CYP27C1: variants seen among roughly 807,000 people sequenced by gnomAD.
CYP27C1 encodes cytochrome P450 family 27 subfamily C member 1, also known as cytochrome P450 27C1.
A neutral mutation model predicts 40.6 loss-of-function variants in CYP27C1; 29 were observed. That is an observed-to-expected ratio of 0.71 (90% confidence interval 0.53 to 0.97). The LOEUF (loss-of-function observed/expected upper bound fraction) is 0.97, where lower values mean the gene tolerates loss of function less well. Among genes scored for constraint, CYP27C1 ranks in the 50% least tolerant of loss-of-function variants. The pLI, the probability that CYP27C1 is intolerant of heterozygous loss-of-function variation, is 0.00. For missense variants in CYP27C1, 390 were observed against 485.8 expected (o/e 0.80, Z 1.85); for synonymous variants, 198 against 186.8 (o/e 1.06, Z -0.49).
chr2:127,187,848 G>C (rs1225877933), intron 8 of CYP27C1, among the ~76,000 whole-genome samples: 1 of 152,178 alleles, frequency 6.6e-6, no homozygotes, highest in Admixed American at 6.6e-5. Context: ...TGAATCCTCC[G>C]AAAGACTTCA....
chr2:127,209,318 TAAC>T lies in CYP27C1; in HGVS notation c.283-3231_283-3229del, dbSNP rs1272908707. Among the ~76,000 whole-genome samples the T allele has an allele frequency of 1.3e-5, 2 of 151,898 alleles. No homozygotes were observed. Among genetic ancestry groups the T allele is most frequent in the Non-Finnish European group, 2.9e-5 (2 of 67,988 alleles). On this transcript the variant is annotated intron_variant, in intron 1 of 8. Transcript: ENST00000664447. The surrounding 1 kb of genome is among the most constrained non-coding windows in gnomAD (Gnocchi z 4.1). Reference sequence around the variant, plus strand: ...CAGAAAGCGACAACAACAGCATTGATAACAACAACAAAAAAAGGCCCCCACAAA... The same window carrying T: ...CAGAAAGCGACAACAACAGCATTGATAACAACAAAAAAAGGCCCCCACAAA...
Position 127,213,316 on chromosome 2 carries a change from A to AC in CYP27C1, c.282+6672_282+6673insG, listed in dbSNP as rs1162589057. ...ATTCTTCACAGAATTAGAAAAAAAA[A>AC]AACTTAAATTTCATATGGAATTGAA... On this transcript the variant is annotated intron_variant, in intron 1 of 8. Coordinates refer to ENST00000664447, the MANE Select transcript of CYP27C1 (RefSeq NM_001367502.1). 1.6e-4 allele frequency among the ~76,000 whole-genome samples: 23 copies of AC among 146,272 alleles called. No individual in the cohort carries two copies. The East Asian group carries it at 4.6e-3, about 29-fold the overall frequency.
chr2:127,193,499 C>T (rs1365581260), intron 7 of CYP27C1, among the ~76,000 whole-genome samples: 1 of 152,216 alleles, frequency 6.6e-6, no homozygotes, highest in African/African-American at 2.4e-5. Flanking sequence ...ACTGAGAAGA[C>T]CGTCGAGCCC....
chr2:127,215,002 G>A (rs1469532704), intron 1 of CYP27C1, among the ~76,000 whole-genome samples: 4 of 151,508 alleles, frequency 2.6e-5, no homozygotes, highest in South Asian at 4.2e-4. Context: ...GGTGGCGGGC[G>A]CCTGTAGTCC....
chr2:127,201,391 A>G lies in CYP27C1; in HGVS notation c.674-60T>C. 6.6e-7 allele frequency: 1 copy of G among 1,506,906 alleles called. No homozygotes were observed. The highest frequency in any genetic ancestry group is 2.3e-5 in the East Asian group (1 of 43,954). The allele number at this position is 1,506,906 out of a possible 1,614,324, so 93.3% of individuals were successfully genotyped here. On this transcript the variant is annotated intron_variant, in intron 3 of 8. Transcript: ENST00000664447. This position sits in a 1 kb window ranked among gnomAD's most constrained non-coding sequence, Gnocchi z 6.0. ...AGATTATTTACCATACCAACAGGCA[A>G]TGTTGGGCCATAAATGCAACTTTCA...
chr2:127,188,870 G>A lies in CYP27C1; in HGVS notation c.1498-1483C>T, dbSNP rs114043352. 2.5e-3 allele frequency among the ~76,000 whole-genome samples: 374 copies of A among 152,246 alleles called. 4 individuals are homozygous for A. Among genetic ancestry groups the A allele is most frequent in the African/African-American group, 8.4e-3 (350 of 41,530 alleles). ...AAGGGTCAAGTCTTGCAATGGGGACGCAGGCGGAACTCATGCCTTTGTCAC... is the reference window on the plus strand; with the variant it reads ...AAGGGTCAAGTCTTGCAATGGGGACACAGGCGGAACTCATGCCTTTGTCAC... On this transcript the variant is annotated intron_variant, in intron 8 of 8. Coordinates refer to ENST00000664447, the MANE Select transcript of CYP27C1 (RefSeq NM_001367502.1).
At chr2:127,204,730 G>A (rs769477028) in intron 2 of CYP27C1, among the ~76,000 whole-genome samples, 3 of 152,194 alleles carry the variant, frequency 2.0e-5, no homozygotes, top group Non-Finnish European at 4.4e-5. Context: ...GAGCACCCAG[G>A]TAGCAGGCCC....
chr2:127,191,335 T>TG (rs1682764939), intron 8 of CYP27C1, among the ~76,000 whole-genome samples: 1 of 152,174 alleles, frequency 6.6e-6, no homozygotes, highest in Non-Finnish European at 1.5e-5. Flanking sequence ...TTAGCAGTTA[T>TG]ATTCATATGT....
At chr2:127,192,879 C>T (rs185240371) in intron 8 of CYP27C1, among the ~76,000 whole-genome samples, 131 of 152,316 alleles carry the variant, frequency 8.6e-4, no homozygotes, top group Non-Finnish European at 1.6e-3. Context: ...GGTGTGATCA[C>T]GGCTCACTGC....
rs1683000369 is a variant in CYP27C1 at position 127,200,142 on chromosome 2, G to A, written c.884-603C>T. ...TTACAGGCACGCGCCACCACGCCCA[G>A]CTAATTTTTGTATTTTTAGTAGAGA... On this transcript the variant is annotated intron_variant, in intron 4 of 8. Transcript: ENST00000664447. The surrounding 1 kb of genome is among the most constrained non-coding windows in gnomAD (Gnocchi z 4.2). Among the ~76,000 whole-genome samples, 1 of 152,144 alleles carries A rather than the reference G, an allele frequency of 6.6e-6. No individual in the cohort carries two copies. Among genetic ancestry groups the A allele is most frequent in the Non-Finnish European group, 1.5e-5 (1 of 68,034 alleles).
At chr2:127,210,197 T>C (rs551590575) in intron 1 of CYP27C1, among the ~76,000 whole-genome samples, 12 of 152,224 alleles carry the variant, frequency 7.9e-5, no homozygotes, top group Middle Eastern at 3.4e-3. Context: ...CCAGAAGAGA[T>C]TGGGGGCCAA....
chr2:127,204,559 A>AGAG (rs1558931398), intron 2 of CYP27C1, among the ~76,000 whole-genome samples: 16 of 36,508 alleles, frequency 4.4e-4, no homozygotes, highest in East Asian at 1.1e-3. Flanking sequence ...GAGAGAGAGA[A>AGAG]AGAAAGAAAG....
At chr2:127,197,957 C>T (rs1486546410) in intron 5 of CYP27C1, among the ~76,000 whole-genome samples, 4 of 152,106 alleles carry the variant, frequency 2.6e-5, no homozygotes, top group Admixed American at 6.6e-5. Context: ...CGCACAGTCA[C>T]GGACAGATGT....
At chr2:127,204,718 G>A (rs1218445652) in intron 2 of CYP27C1, among the ~76,000 whole-genome samples, 2 of 152,198 alleles carry the variant, frequency 1.3e-5, no homozygotes, top group Non-Finnish European at 2.9e-5. Context: ...GCTGCACTCG[G>A]AGAGCACCCA....
intron 3 of CYP27C1, among the ~76,000 whole-genome samples, chr2:127,202,993 A>T (rs78787658): frequency 2.0e-5 from 3 of 152,046 alleles, no homozygotes; most frequent in South Asian, 4.2e-4. Flanking sequence ...ATGGTGAAAC[A>T]CTGTCTCTAC....
intron 2 of CYP27C1, among the ~76,000 whole-genome samples, chr2:127,204,440 A>AAAAG (rs59482629): frequency 0.1 from 4,238 of 41,310 alleles, 369 homozygotes; most frequent in Admixed American, 0.12. Flanking sequence ...GAAAGAAAGA[A>AAAAG]AAAGAAAGAA....
In CYP27C1 at chr2:127,195,679, CAAAT is replaced by C. The variant is rs534366187; in HGVS notation, c.1048-182_1048-179del. Among the ~76,000 whole-genome samples the C allele has an allele frequency of 1.1e-4, 17 of 152,116 alleles. 1 individual carries two copies. Among genetic ancestry groups the C allele is most frequent in the South Asian group, 8.3e-4 (4 of 4,820 alleles). On this transcript the variant is annotated intron_variant, in intron 5 of 8. Coordinates refer to ENST00000664447, the MANE Select transcript of CYP27C1 (RefSeq NM_001367502.1). This position sits in a 1 kb window ranked among gnomAD's most constrained non-coding sequence, Gnocchi z 6.2. ...GAAAGACTGTTTCCTTAATTCATGG[CAAAT>C]AAATAAATAAATAAATAACTGAACG...
chr2:127,215,128 CAAA>C (rs3033461), intron 1 of CYP27C1, among the ~76,000 whole-genome samples: 212 of 120,974 alleles, frequency 1.8e-3, no homozygotes, highest in Non-Finnish European at 1.8e-3. Flanking sequence ...GACTCCATCT[CAAA>C]AAAAAAAAAA....
chr2:127,205,658 C>A (rs1423389765), intron 2 of CYP27C1: 1 of 985,430 alleles, frequency 1.0e-6, no homozygotes, highest in South Asian at 4.7e-5. Flanking sequence ...GCTCTGCCCA[C>A]CACGGAGCCA....
Sources: gnomAD v4.1 joint callset for allele counts (sites outside exome capture counted in the v4.1 genomes callset) on GRCh38, gnomAD v4.1.1 for gene constraint, Gnocchi (gnomAD v3.1) non-coding constraint, MANE v1.5 for transcripts, NCBI Gene and HGNC (gene_info 2026-07-23, HGNC 2026-07-21) for gene names.